The following EFHC1 variants were observed in gnomAD, a reference collection of about 807,000 sequenced individuals.
EFHC1 encodes the protein EF-hand domain-containing protein 1.
In EFHC1, 53 loss-of-function variants were observed where a neutral mutation model predicts 69.9. That is an observed-to-expected ratio of 0.76 (90% CI 0.61 to 0.95). The LOEUF (loss-of-function observed/expected upper bound fraction) is 0.95, where lower values mean the gene tolerates loss of function less well. EFHC1 is among the 40% of genes least tolerant of loss of function. The pLI is 0.00. For synonymous variants in EFHC1, 256 were observed against 278.4 expected (o/e 0.92, Z 0.80); for missense variants, 739 against 798.7 (o/e 0.93, Z 0.90).
At chr6:52,483,563 G>GA (rs901107557) in intron 9 of EFHC1, 2 of 152,216 alleles carry the variant, frequency 1.3e-5, no homozygotes, top group African/African-American at 4.8e-5. Context: ...AAATTTCCAG[G>GA]AAAAGGGTGG....
At chr6:52,438,874 G>A (rs1463398161) in intron 3 of EFHC1, among the ~76,000 whole-genome samples, 2 of 152,198 alleles carry the variant, frequency 1.3e-5, no homozygotes, top group African/African-American at 2.4e-5. Flanking sequence ...AGTTCAAACA[G>A]GGAGTAGGGG....
chr6:52,425,220 AC>A (rs776395622), intron 2 of EFHC1, among the ~76,000 whole-genome samples: 29 of 152,146 alleles, frequency 1.9e-4, no homozygotes, highest in Middle Eastern at 3.2e-3. Context: ...CATCCACTAA[AC>A]AGTATGATTT....
intron 4 of EFHC1, 27 bp downstream of exon 4, chr6:52,452,864 C>A (rs1407665493): frequency 6.2e-7 from 1 of 1,613,782 alleles, no homozygotes; most frequent in Non-Finnish European, 8.5e-7. Context: ...CCACAATAGG[C>A]TTACTTATTT....
At chr6:52,425,295 A>G (rs1056620779) in intron 2 of EFHC1, among the ~76,000 whole-genome samples, 1 of 152,200 alleles carries the variant, frequency 6.6e-6, no homozygotes, top group Non-Finnish European at 1.5e-5. Flanking sequence ...TTTGACAGAC[A>G]TTGCAAAATC....
intron 5 of EFHC1, among the ~76,000 whole-genome samples, chr6:52,454,846 C>G (rs546293692): frequency 6.6e-6 from 1 of 152,296 alleles, no homozygotes; most frequent in Non-Finnish European, 1.5e-5. Context: ...AATCCCAGCA[C>G]TTTGGGAGAC....
In EFHC1 at chr6:52,438,455, G is replaced by A. The variant is rs1428197132; in HGVS notation, c.437G>A (p.Gly146Asp). The stretch of plus-strand genomic sequence containing the variant: ...GTAGAAAATTCTGGAATCCTTCAAG[G>A]CAAGTTAATAAAACGCCAGCGGCTA... ...PVVENSGILQGKLIKRQRLAK... is the reference protein window; with the variant it reads ...PVVENSGILQDKLIKRQRLAK... Residue 146 changes from glycine to aspartate, a missense_variant, in exon 3 of 11, where the codon GGC becomes GAC. Transcript: ENST00000371068. 8 of 1,614,076 alleles carry A rather than the reference G, an allele frequency of 5.0e-6. No homozygotes were observed. Among genetic ancestry groups the A allele is most frequent in the Non-Finnish European group, 6.8e-6 (8 of 1,179,982 alleles).
intron 3 of EFHC1, among the ~76,000 whole-genome samples, chr6:52,449,864 T>C (rs771823927): frequency 2.0e-5 from 3 of 152,214 alleles, no homozygotes; most frequent in Non-Finnish European, 2.9e-5. Flanking sequence ...TGAGGTTGAT[T>C]TGCTCTTGCT....
chr6:52,453,791 A>G (rs1353609693), intron 4 of EFHC1: 2 of 1,281,712 alleles, frequency 1.6e-6, no homozygotes, highest in Admixed American at 2.4e-5. Context: ...AAAGAACTTC[A>G]TTGCTCTTTT....
At chr6:52,446,252 G>T (rs1326800086) in intron 3 of EFHC1, among the ~76,000 whole-genome samples, 2 of 152,090 alleles carry the variant, frequency 1.3e-5, no homozygotes, top group African/African-American at 4.8e-5. Flanking sequence ...TCCTGTATTG[G>T]GTGCATATAT....
intron 4 of EFHC1, chr6:52,453,061 T>A: frequency 6.7e-7 from 1 of 1,503,746 alleles, no homozygotes; most frequent in Non-Finnish European, 8.9e-7. Flanking sequence ...GTTGCGGAGT[T>A]GTTTTGTGAA....
chr6:52,450,354 T>C (rs927561011), intron 3 of EFHC1, among the ~76,000 whole-genome samples: 3 of 152,212 alleles, frequency 2.0e-5, no homozygotes, highest in African/African-American at 7.2e-5. Flanking sequence ...GTCCTGAATA[T>C]CTTTGTTAAT....
At chr6:52,426,758 C>T (rs1764310492) in intron 2 of EFHC1, among the ~76,000 whole-genome samples, 2 of 152,232 alleles carry the variant, frequency 1.3e-5, no homozygotes, top group Non-Finnish European at 2.9e-5. Flanking sequence ...GGCTTTTTCT[C>T]TCCTTTATCC....
At chr6:52,485,162 G>A (rs1765760919) in intron 9 of EFHC1, 1 of 152,062 alleles carries the variant, frequency 6.6e-6, no homozygotes, top group African/African-American at 2.4e-5. Context: ...GTAGTTTGGT[G>A]GTTGGACAGC....
At chr6:52,452,269 G>T (rs2113993565) in intron 3 of EFHC1, among the ~76,000 whole-genome samples, 1 of 152,228 alleles carries the variant, frequency 6.6e-6, no homozygotes, top group South Asian at 2.1e-4. Flanking sequence ...TTTAACTTAA[G>T]CAATGGCATA....
chr6:52,474,342 G>A (rs1000648753), intron 7 of EFHC1, among the ~76,000 whole-genome samples: 1 of 152,096 alleles, frequency 6.6e-6, no homozygotes, highest in Non-Finnish European at 1.5e-5. Context: ...AAGTTGCTTA[G>A]CTTCGTTAGT....
chr6:52,442,446 A>T lies in EFHC1; in HGVS notation c.573+3855A>T, dbSNP rs190331721. On this transcript the variant is annotated intron_variant, in intron 3 of 10. Coordinates refer to ENST00000371068, the MANE Select transcript of EFHC1 (RefSeq NM_018100.4). The stretch of plus-strand genomic sequence containing the variant: ...ATCTCCTAGTGGTATCCCTCCCCAC[A>T]CCCCCCACCCTATGACAGGCCCCAG... 2.1e-5 allele frequency among the ~76,000 whole-genome samples: 3 copies of T among 143,526 alleles called. No individual in the cohort carries two copies. In the East Asian group the frequency reaches 6.1e-4, roughly 29 times the overall value. The allele number at this position is 143,526 out of a possible 152,430, so 94.2% of individuals were successfully genotyped here.
rs770877274 is a variant in EFHC1 at position 52,438,552 on chromosome 6, CA to C, written c.538del (p.Thr180LeufsTer15). The C allele has an allele frequency of 6.2e-7, 1 of 1,613,968 alleles. No individual in the cohort carries two copies. Among genetic ancestry groups the C allele is most frequent in the Non-Finnish European group, 8.5e-7 (1 of 1,179,932 alleles). Reference protein sequence around the residue: ...NRGINITIYGKTFRVVDCDQF... With the variant: ...NRGINITIYGXTFRVVDCDQF... ...GAGGAATAAACATCACAATTTATGG[CA>C]AAACTTTCCGCGTTGTTGACTGTGA... On this transcript the variant is annotated frameshift_variant, in exon 3 of 11. Coordinates refer to ENST00000371068, the MANE Select transcript of EFHC1 (RefSeq NM_018100.4). LOFTEE classifies it high-confidence loss of function.
At chr6:52,423,743 T>C (rs542869364) in intron 1 of EFHC1, 2 of 1,218,974 alleles carry the variant, frequency 1.6e-6, no homozygotes, top group Non-Finnish European at 2.3e-6. Flanking sequence ...GGGGCTGAAG[T>C]GATTCTCCCT....
At chr6:52,422,392 C>A (rs867963349) in intron 1 of EFHC1, among the ~76,000 whole-genome samples, 10 of 152,220 alleles carry the variant, frequency 6.6e-5, no homozygotes, top group Non-Finnish European at 1.0e-4. Context: ...TACTATATAC[C>A]TGGAGCAGTC....
Sources: gnomAD v4.1 joint callset for allele counts (sites outside exome capture counted in the v4.1 genomes callset) on GRCh38, gnomAD v4.1.1 for gene constraint, MANE v1.5 for transcripts, NCBI Gene and HGNC (gene_info 2026-07-23, HGNC 2026-07-21) for gene names.